SPRED1: variants seen among roughly 807,000 people sequenced by gnomAD.
SPRED1 encodes the protein sprouty-related, EVH1 domain-containing protein 1.
SPRED1 carries 18 observed loss-of-function variants against 52.3 expected under a neutral mutation model. The ratio of observed to expected loss-of-function variants is 0.34; its 90% confidence interval spans 0.24 to 0.51. The LOEUF (loss-of-function observed/expected upper bound fraction) is 0.51. Among genes scored for constraint, SPRED1 ranks in the 20% least tolerant of loss-of-function variants. SPRED1 has a pLI of 0.97. For missense variants in SPRED1, 485 were observed against 551.0 expected, an observed-to-expected ratio of 0.88 and a Z score of 1.20; for synonymous variants, 155 against 179.7, an observed-to-expected ratio of 0.86 and a Z score of 1.10.
chr15:38,308,051 TA>T (rs1386259021), intron 2 of SPRED1, among the ~76,000 whole-genome samples: 17 of 152,300 alleles, frequency 1.1e-4, no homozygotes, highest in African/African-American at 4.1e-4. Context: ...GTTGCACAGA[TA>T]AGTATGATGT....
chr15:38,318,160 A>C (rs1209991596), intron 2 of SPRED1, among the ~76,000 whole-genome samples: 2 of 152,108 alleles, frequency 1.3e-5, no homozygotes, highest in African/African-American at 4.8e-5. Flanking sequence ...AATTCATTTT[A>C]GCAGCTACCA....
At chr15:38,272,661 G>C (rs1423542567) in intron 1 of SPRED1, among the ~76,000 whole-genome samples, 1 of 152,198 alleles carries the variant, frequency 6.6e-6, no homozygotes, top group Non-Finnish European at 1.5e-5. Flanking sequence ...CATTGTGTAA[G>C]TGTTCCTTTT....
intron 5 of SPRED1, among the ~76,000 whole-genome samples, chr15:38,341,319 T>A (rs1896025666): frequency 1.3e-5 from 2 of 152,048 alleles, no homozygotes; most frequent in African/African-American, 4.8e-5. Flanking sequence ...CGCTTCTAAC[T>A]TCTATTTGCC....
intron 5 of SPRED1, among the ~76,000 whole-genome samples, chr15:38,345,299 A>G (rs554991182): frequency 6.6e-6 from 1 of 152,226 alleles, no homozygotes; most frequent in Non-Finnish European, 1.5e-5. Flanking sequence ...AGCCTGATTA[A>G]CACATTCTCT....
intron 5 of SPRED1, among the ~76,000 whole-genome samples, chr15:38,348,108 A>G (rs1896178216): frequency 6.6e-6 from 1 of 152,052 alleles, no homozygotes; most frequent in South Asian, 2.1e-4. Context: ...GTTCTTAGAA[A>G]TGTATATTTA....
chr15:38,272,044 C>A (rs1014200523), intron 1 of SPRED1, among the ~76,000 whole-genome samples: 33 of 152,172 alleles, frequency 2.2e-4, no homozygotes, highest in African/African-American at 7.7e-4. Flanking sequence ...AGGATAATGG[C>A]CTCCAGCTGC....
chr15:38,258,353 G>A (rs148161946), intron 1 of SPRED1, among the ~76,000 whole-genome samples: 10 of 152,182 alleles, frequency 6.6e-5, no homozygotes, highest in Non-Finnish European at 1.2e-4. Flanking sequence ...TTCTTAAGTC[G>A]TTAAATATTC....
chr15:38,311,577 T>C (rs1223367731), intron 2 of SPRED1, among the ~76,000 whole-genome samples: 1 of 152,202 alleles, frequency 6.6e-6, no homozygotes, highest in African/African-American at 2.4e-5. Context: ...AGATTTTAAA[T>C]TACAAATTCA....
chr15:38,278,581 G>C (rs1894611472), intron 1 of SPRED1, among the ~76,000 whole-genome samples: 1 of 152,114 alleles, frequency 6.6e-6, no homozygotes, highest in African/African-American at 2.4e-5. Flanking sequence ...TTGGTTTTAG[G>C]ATGACCCCTG....
chr15:38,290,056 C>T (rs1403432995), intron 1 of SPRED1, among the ~76,000 whole-genome samples: 1 of 152,130 alleles, frequency 6.6e-6, no homozygotes, highest in Non-Finnish European at 1.5e-5. Context: ...ATTTTAATGG[C>T]CTCTGGATCT....
chr15:38,308,588 A>T (rs1166579135), intron 2 of SPRED1, among the ~76,000 whole-genome samples: 1 of 152,222 alleles, frequency 6.6e-6, no homozygotes, highest in Non-Finnish European at 1.5e-5. Context: ...AAGTGTAATA[A>T]TAAGTATGTA....
At chr15:38,344,069 A>ACC (rs1896081884) in intron 5 of SPRED1, among the ~76,000 whole-genome samples, 1 of 152,220 alleles carries the variant, frequency 6.6e-6, no homozygotes, top group South Asian at 2.1e-4. Flanking sequence ...ATTAAAAGGA[A>ACC]CCCACCAGGA....
Position 38,347,405 on chromosome 15 carries a change from C to G in SPRED1, c.583-2017C>G, listed in dbSNP as rs549191750. On this transcript the variant is annotated intron_variant, in intron 5 of 6. Transcript: ENST00000299084. Reference sequence around the variant, plus strand: ...TCTTTACTGTAGAAATGCTGTAGCTCTATAATAACTTAATATTTGTAGAGA... The same window carrying G: ...TCTTTACTGTAGAAATGCTGTAGCTGTATAATAACTTAATATTTGTAGAGA... Among the ~76,000 whole-genome samples the G allele has an allele frequency of 4.2e-5, 6 of 143,150 alleles. No individual in the cohort carries two copies. The South Asian group carries it at 1.1e-3, about 27-fold the overall frequency. 93.9% of individuals were successfully genotyped at this position (143,150 alleles called of 152,430 possible). A position where few individuals can be genotyped will look rare whatever the true frequency, so the allele number is the denominator to read the frequency against.
At chr15:38,328,969 C>T (rs1203890149) in intron 4 of SPRED1, among the ~76,000 whole-genome samples, 2 of 152,170 alleles carry the variant, frequency 1.3e-5, no homozygotes, top group African/African-American at 4.8e-5. Flanking sequence ...ACCCACCCAC[C>T]TTGGTCTCTC....
intron 2 of SPRED1, among the ~76,000 whole-genome samples, chr15:38,315,797 G>T (rs1273683978): frequency 6.6e-6 from 1 of 151,784 alleles, no homozygotes; most frequent in Non-Finnish European, 1.5e-5. Flanking sequence ...TCCCATCCTC[G>T]CATAGCAAGT....
Position 38,355,418 on chromosome 15 carries a change from G to GT in SPRED1, c.*3755dup, listed in dbSNP as rs1888597130. ...TGTATAGTGCCATCTGATATCTTGGGTAAGTCTTGCTTTTTCTTTTCTTTT... is the reference window on the plus strand; with the variant it reads ...TGTATAGTGCCATCTGATATCTTGGGTTAAGTCTTGCTTTTTCTTTTCTTTT... On this transcript the variant is annotated 3_prime_UTR_variant, in exon 7 of 7. Coordinates refer to ENST00000299084, the MANE Select transcript of SPRED1 (RefSeq NM_152594.3). 1 of 152,162 alleles carries GT rather than the reference G, an allele frequency of 6.6e-6. No individual in the cohort carries two copies. Among genetic ancestry groups the GT allele is most frequent in the African/African-American group, 2.4e-5 (1 of 41,430 alleles). 9.4% of individuals were successfully genotyped at this position (152,162 alleles called of 1,614,324 possible).
intron 4 of SPRED1, among the ~76,000 whole-genome samples, chr15:38,336,942 A>C (rs1217849036): frequency 6.6e-6 from 1 of 152,160 alleles, no homozygotes; most frequent in South Asian, 2.1e-4. Flanking sequence ...GAAATAAAAA[A>C]CTTTAAAACA....
intron 1 of SPRED1, among the ~76,000 whole-genome samples, chr15:38,277,251 G>A (rs750875010): frequency 7.9e-5 from 12 of 152,044 alleles, no homozygotes; most frequent in Non-Finnish European, 1.3e-4. Flanking sequence ...CTCAATAGGT[G>A]GTTTTTTTGA....
chr15:38,275,031 T>G (rs1309011340), intron 1 of SPRED1, among the ~76,000 whole-genome samples: 1 of 152,240 alleles, frequency 6.6e-6, no homozygotes, highest in Non-Finnish European at 1.5e-5. Flanking sequence ...AAATATCCTA[T>G]TTTCTGTCAT....
Sources: allele counts gnomAD v4.1 joint callset (sites outside exome capture counted in the v4.1 genomes callset), GRCh38; gene constraint gnomAD v4.1.1; transcripts MANE v1.5; gene names NCBI Gene and HGNC (gene_info 2026-07-23, HGNC 2026-07-21).